Variants in ZNF438 observed in about 807,000 individuals in gnomAD.
ZNF438 encodes the protein zinc finger protein 438.
A neutral mutation model predicts 38.0 loss-of-function variants in ZNF438; 25 were observed. The observed-to-expected ratio is 0.66, with a 90% confidence interval of 0.48 to 0.92. The LOEUF (loss-of-function observed/expected upper bound fraction) is 0.92, where lower values mean the gene tolerates loss of function less well. Ranked by LOEUF, ZNF438 falls within the 40% of genes least tolerant of loss-of-function variation. The pLI, the probability that ZNF438 is intolerant of heterozygous loss-of-function variation, is 0.00. For missense variants in ZNF438, 1,007 were observed against 999.6 expected, an observed-to-expected ratio of 1.01 and a Z score of -0.10; for synonymous variants, 372 against 364.1, an observed-to-expected ratio of 1.02 and a Z score of -0.25.
intron 1 of ZNF438, among the ~76,000 whole-genome samples, chr10:30,942,978 A>G (rs1209995942): frequency 6.6e-6 from 1 of 152,240 alleles, no homozygotes; most frequent in Non-Finnish European, 1.5e-5. Flanking sequence ...ACGTTTCAGA[A>G]AGGCAATAAA....
intron 2 of ZNF438, 63 bp from the exon 4 acceptor site, chr10:30,909,078 A>C (rs559988361): frequency 6.6e-6 from 1 of 152,200 alleles, no homozygotes; most frequent in East Asian, 1.9e-4. Context: ...TATTATTAGC[A>C]TATCATTAAG....
chr10:30,928,673 C>T (rs2135195276), intron 2 of ZNF438, among the ~76,000 whole-genome samples: 1 of 152,084 alleles, frequency 6.6e-6, no homozygotes, highest in South Asian at 2.1e-4. Flanking sequence ...TTTGTTTTGC[C>T]TGCTGCTCTA....
intron 4 of ZNF438, among the ~76,000 whole-genome samples, chr10:30,862,309 C>A (rs931840850): frequency 1.3e-5 from 2 of 151,974 alleles, no homozygotes; most frequent in African/African-American, 4.8e-5. Flanking sequence ...TTTATATTTT[C>A]TTTTTCTTTT....
intron 1 of ZNF438, among the ~76,000 whole-genome samples, chr10:31,002,820 AAAAGAATTAC>A (rs1281440762): frequency 6.6e-6 from 1 of 152,222 alleles, no homozygotes; most frequent in Non-Finnish European, 1.5e-5. Context: ...TGACCCCTAC[AAAAGAATTAC>A]AAAGTAGTAT....
At position 30,958,172 on chromosome 10, in the gene ZNF438, G is replaced by A. The variant is rs1479872734; in HGVS notation, c.-191-16521C>T. Among the ~76,000 whole-genome samples the A allele has an allele frequency of 1.4e-5, 2 of 146,274 alleles. 1 individual carries two copies. Among genetic ancestry groups the A allele is most frequent in the Non-Finnish European group, 3.1e-5 (2 of 64,600 alleles). On this transcript the variant is annotated intron_variant, in intron 1 of 5. Transcript: ENST00000413025. ...GATCTCCTCCCTATTCACTCAACAG[G>A]GCTGTATTTATCAATGTGCCTTTGA...
chr10:30,935,615 T>C (rs2046166682), intron 2 of ZNF438, among the ~76,000 whole-genome samples: 2 of 151,920 alleles, frequency 1.3e-5, no homozygotes, highest in South Asian at 2.1e-4. Context: ...ATTTGGAGAG[T>C]GTATTAGTCT....
intron 3 of ZNF438, among the ~76,000 whole-genome samples, chr10:30,885,807 G>A (rs1589003336): frequency 6.6e-6 from 1 of 152,032 alleles, no homozygotes; most frequent in Non-Finnish European, 1.5e-5. Context: ...AGAATGGCAA[G>A]GACAAAGTAA....
At chr10:30,993,782 C>A (rs562292084) in intron 1 of ZNF438, among the ~76,000 whole-genome samples, 1 of 152,384 alleles carries the variant, frequency 6.6e-6, no homozygotes, top group Non-Finnish European at 1.5e-5. Context: ...AGGCACCCAA[C>A]TGTAACCTAC....
At chr10:30,889,855 T>TATGATCTTACTGTATGATCTTACTAA (rs1185047182) in intron 3 of ZNF438, among the ~76,000 whole-genome samples, 17 of 152,350 alleles carry the variant, frequency 1.1e-4, no homozygotes, top group Admixed American at 8.5e-4. Context: ...CTTCTTACTG[T>TATGATCTTACTGTATGATCTTACTAA]ATGATCTTGG....
intron 1 of ZNF438, among the ~76,000 whole-genome samples, chr10:31,019,661 G>C (rs1307842091): frequency 6.6e-6 from 1 of 152,240 alleles, no homozygotes; most frequent in East Asian, 1.9e-4. Context: ...ACAATTCACA[G>C]AAAGTGAAGT....
At chr10:31,027,322 C>T (rs1054506650) in intron 1 of ZNF438, among the ~76,000 whole-genome samples, 1 of 151,942 alleles carries the variant, frequency 6.6e-6, no homozygotes, top group Admixed American at 6.6e-5. Flanking sequence ...ACACTGTTTT[C>T]AACAATAAAT....
chr10:30,917,216 CCA>C (rs1232029151), intron 2 of ZNF438, among the ~76,000 whole-genome samples: 3 of 152,200 alleles, frequency 2.0e-5, no homozygotes, highest in East Asian at 1.9e-4. Context: ...TTATGAATAA[CCA>C]CAGTCTGTTT....
chr10:31,017,863 C>T (rs1228911188), intron 1 of ZNF438, among the ~76,000 whole-genome samples: 2 of 152,188 alleles, frequency 1.3e-5, no homozygotes, highest in African/African-American at 4.8e-5. Flanking sequence ...ACTGGTTCTG[C>T]CATATCTCTT....
intron 1 of ZNF438, among the ~76,000 whole-genome samples, chr10:31,022,741 G>C (rs973277857): frequency 2.8e-4 from 43 of 152,286 alleles, no homozygotes; most frequent in African/African-American, 9.9e-4. Flanking sequence ...AAAGCTGAAT[G>C]CATTGAGCTA....
chr10:30,877,792 A>AT (rs1452254925), intron 3 of ZNF438, among the ~76,000 whole-genome samples: 2 of 152,194 alleles, frequency 1.3e-5, no homozygotes, highest in South Asian at 2.1e-4. Flanking sequence ...ATAGAAGTAA[A>AT]TTTTTTTATA....
chr10:30,848,633 C>T (rs2032859895), exon 5 of ZNF438: 1 of 1,614,206 alleles, frequency 6.2e-7, no homozygotes, highest in Non-Finnish European at 8.5e-7. Flanking sequence ...GATCACAACC[C>T]TATGCACTTC....
intron 3 of ZNF438, among the ~76,000 whole-genome samples, chr10:30,901,542 C>T (rs1026040184): frequency 2.0e-5 from 3 of 152,066 alleles, no homozygotes; most frequent in African/African-American, 4.8e-5. Context: ...GACAGGTGCC[C>T]GGTATTTGGC....
chr10:30,950,322 C>T (rs2135756531), intron 1 of ZNF438, among the ~76,000 whole-genome samples: 1 of 151,840 alleles, frequency 6.6e-6, no homozygotes, highest in South Asian at 2.1e-4. Context: ...GACACCCTAA[C>T]ATCACAATTA....
At position 30,952,001 on chromosome 10, in the gene ZNF438, T is replaced by C. The variant is rs1365368285; in HGVS notation, c.-191-10350A>G. Among the ~76,000 whole-genome samples, 7 of 150,078 alleles carry C rather than the reference T, an allele frequency of 4.7e-5. No homozygotes were observed. In the South Asian group the frequency reaches 1.5e-3, roughly 32 times the overall value. Reference sequence around the variant, plus strand: ...CATCACACTACCTGACTTCAAACTATACTACAAGGCTACAGTAACCAAAAC... The same window carrying C: ...CATCACACTACCTGACTTCAAACTACACTACAAGGCTACAGTAACCAAAAC... On this transcript the variant is annotated intron_variant, in intron 1 of 5. Coordinates refer to ENST00000413025, the Ensembl canonical transcript of ZNF438.
Sources: allele counts gnomAD v4.1 joint callset (sites outside exome capture counted in the v4.1 genomes callset), GRCh38; gene constraint gnomAD v4.1.1; transcripts MANE v1.5; gene names NCBI Gene and HGNC (gene_info 2026-07-23, HGNC 2026-07-21).